The following ABCC1 variants were observed in gnomAD, a reference collection of about 807,000 sequenced individuals.
ABCC1 encodes ATP binding cassette subfamily C member 1 (ABCC1 blood group), also known as multidrug resistance-associated protein 1.
ABCC1 carries 83 observed loss-of-function variants against 172.9 expected under a neutral mutation model. The observed-to-expected ratio is 0.48, with a 90% confidence interval of 0.40 to 0.58. ABCC1 has a LOEUF of 0.58. Among genes scored for constraint, ABCC1 ranks in the 20% least tolerant of loss-of-function variants. The pLI, the probability that ABCC1 is intolerant of heterozygous loss-of-function variation, is 0.00. For missense variants in ABCC1, 1,817 were observed against 2,002.7 expected, an observed-to-expected ratio of 0.91 and a Z score of 1.77; for synonymous variants, 937 against 825.2, an observed-to-expected ratio of 1.14 and a Z score of -2.32.
At chr16:15,999,639 GA>G (rs202099325) in intron 1 of ABCC1, among the ~76,000 whole-genome samples, 2 of 148,834 alleles carry the variant, frequency 1.3e-5, no homozygotes, top group South Asian at 4.3e-4. Context: ...AATAGAAAAA[GA>G]AAAATAAAAG....
chr16:16,046,439 A>C (rs1159684243), intron 9 of ABCC1, among the ~76,000 whole-genome samples: 1 of 151,740 alleles, frequency 6.6e-6, no homozygotes, highest in African/African-American at 2.4e-5. Context: ...CTGCCTCCTG[A>C]GTTCAAGCGA....
In ABCC1 at chr16:16,007,857, C is replaced by G. The variant is rs1440249186; in HGVS notation, c.90C>G (p.Thr30=). ...VTWNTSNPDF[T]KCFQNTVLVW... The stretch of plus-strand genomic sequence containing the variant: ...GGAATACCAGCAACCCCGACTTCAC[C>G]AAGTGCTTTCAGAACACGGTCCTCG... The change falls in exon 2 of 31, where the codon ACC becomes ACG. Residue 30 remains threonine (T), a synonymous_variant. Coordinates refer to ENST00000399410, the MANE Select transcript of ABCC1 (RefSeq NM_004996.4). 1.9e-6 allele frequency: 3 copies of G among 1,613,408 alleles called. No homozygotes were observed. Among genetic ancestry groups the G allele is most frequent in the Non-Finnish European group, 2.5e-6 (3 of 1,179,762 alleles).
At chr16:16,095,259 T>A (rs973502238) in intron 19 of ABCC1, 4 of 152,202 alleles carry the variant, frequency 2.6e-5, no homozygotes, top group Admixed American at 1.3e-4. Context: ...TTAAGGGATT[T>A]AAAAAAATGG....
intron 13 of ABCC1, among the ~76,000 whole-genome samples, chr16:16,071,232 G>A (rs1208792225): frequency 4.0e-5 from 6 of 151,090 alleles, no homozygotes; most frequent in African/African-American, 7.3e-5. Context: ...TTGCAGGTGC[G>A]TGCCACCATG....
chr16:16,090,629 G>GCA, intron 19 of ABCC1, 41 bp downstream of exon 19: 1 of 1,515,392 alleles, frequency 6.6e-7, no homozygotes, highest in East Asian at 2.3e-5. Flanking sequence ...AGGGTGTCTG[G>GCA]CACCTTGAAG....
At chr16:15,978,799 A>G (rs1356463689) in intron 1 of ABCC1, among the ~76,000 whole-genome samples, 1 of 152,124 alleles carries the variant, frequency 6.6e-6, no homozygotes, top group Non-Finnish European at 1.5e-5. Context: ...ATTGATGTCT[A>G]GAGACATTTT....
chr16:16,008,070 A>G, intron 2 of ABCC1, 78 bp downstream of exon 2: 1 of 1,390,760 alleles, frequency 7.2e-7, no homozygotes, highest in Middle Eastern at 1.9e-4. Flanking sequence ...GATAACTGAC[A>G]TTTCTCTTCT....
intron 1 of ABCC1, among the ~76,000 whole-genome samples, chr16:15,999,168 T>C (rs1259737082): frequency 6.6e-6 from 1 of 151,936 alleles, no homozygotes; most frequent in East Asian, 2.0e-4. Flanking sequence ...ACCTGGCTAA[T>C]TTGTTTTTTA....
At chr16:15,988,115 G>A (rs1043064741) in intron 1 of ABCC1, among the ~76,000 whole-genome samples, 3 of 151,968 alleles carry the variant, frequency 2.0e-5, no homozygotes, top group East Asian at 1.9e-4. Flanking sequence ...GCACTACCAC[G>A]CTATGTTGGC....
intron 26 of ABCC1, among the ~76,000 whole-genome samples, chr16:16,126,648 G>A (rs1460134560): frequency 6.6e-6 from 1 of 152,186 alleles, no homozygotes; most frequent in Non-Finnish European, 1.5e-5. Flanking sequence ...GCCTCCCAAA[G>A]TGCTGGGATT....
chr16:16,048,453 C>A, intron 10 of ABCC1, 150 bp downstream of exon 10: 1 of 949,720 alleles, frequency 1.1e-6, no homozygotes, highest in South Asian at 1.7e-5. Flanking sequence ...AGCCTGTTAA[C>A]CAATTCCTCA....
chr16:16,134,230 G>A lies in ABCC1; in HGVS notation c.3967-120G>A, dbSNP rs546947965. ...TGGGCAGCGCGCAAGGGAGAGGGCT[G>A]TCGAGTTGGGTTGACCAGATGACTG... On this transcript the variant is annotated intron_variant, in intron 27 of 30. Coordinates refer to ENST00000399410, the MANE Select transcript of ABCC1 (RefSeq NM_004996.4). 97 of 1,281,006 alleles carry A rather than the reference G, an allele frequency of 7.6e-5. No individual in the cohort carries two copies. The African/African-American group carries it at 1.3e-3, about 17-fold the overall frequency. The allele number at this position is 1,281,006 out of a possible 1,614,324, so 79.4% of individuals were successfully genotyped here.
chr16:16,042,431 A>G (rs181930811), intron 7 of ABCC1, among the ~76,000 whole-genome samples: 1 of 152,222 alleles, frequency 6.6e-6, no homozygotes, highest in Non-Finnish European at 1.5e-5. Flanking sequence ...GGCCGGGCAC[A>G]GTGGCTCATG....
At chr16:15,967,032 T>G (rs2046258999) in intron 1 of ABCC1, among the ~76,000 whole-genome samples, 1 of 152,194 alleles carries the variant, frequency 6.6e-6, no homozygotes, top group East Asian at 1.9e-4. Context: ...CCCTGCCCCC[T>G]GAGATCCGTG....
At chr16:15,968,530 C>T (rs967856823) in intron 1 of ABCC1, among the ~76,000 whole-genome samples, 3 of 151,876 alleles carry the variant, frequency 2.0e-5, no homozygotes, top group Non-Finnish European at 2.9e-5. Context: ...GCATGCACCA[C>T]TATGTCTAGC....
rs987857280 is a variant in ABCC1 at position 16,036,352 on chromosome 16, C to T, written c.678-120C>T. 1.4e-5 allele frequency: 12 copies of T among 874,930 alleles called. No individual in the cohort carries two copies. In the East Asian group the frequency reaches 1.7e-4, roughly 12 times the overall value. 54.2% of individuals were successfully genotyped at this position (874,930 alleles called of 1,614,324 possible). On this transcript the variant is annotated intron_variant, in intron 6 of 30. Coordinates refer to ENST00000399410, the MANE Select transcript of ABCC1 (RefSeq NM_004996.4). ...GCTGCATGGCTGCCTTCATTTGCAG[C>T]GGGCAGCTGTGCTGCAGAGGGGAGC... is the stretch of plus-strand genomic sequence containing the variant.
chr16:16,112,793 C>T (rs1326551254), intron 22 of ABCC1, among the ~76,000 whole-genome samples: 2 of 152,210 alleles, frequency 1.3e-5, no homozygotes, highest in African/African-American at 4.8e-5. Flanking sequence ...TTGAGTACTT[C>T]TGTATGCCAG....
In ABCC1 at chr16:16,104,125, C is replaced by T. The variant is rs747010329; in HGVS notation, c.2735+1408C>T. Among the ~76,000 whole-genome samples the T allele has an allele frequency of 2.0e-5, 3 of 151,996 alleles. No individual in the cohort carries two copies. In the South Asian group the frequency reaches 6.3e-4, roughly 32 times the overall value. On this transcript the variant is annotated intron_variant, in intron 20 of 30. Transcript: ENST00000399410. ...CTGTAGACCTTGATGGTGAGTGTTA[C>T]AGCTCACAAAGGCAATGTGGACCCA... is the stretch of plus-strand genomic sequence containing the variant.
At chr16:16,077,525 A>T (rs904836213) in intron 15 of ABCC1, among the ~76,000 whole-genome samples, 4 of 151,734 alleles carry the variant, frequency 2.6e-5, no homozygotes, top group Non-Finnish European at 2.9e-5. Context: ...CTGTAAGAAT[A>T]TTTCAGTCTC....
Sources: gnomAD v4.1 joint callset for allele counts (sites outside exome capture counted in the v4.1 genomes callset) on GRCh38, gnomAD v4.1.1 for gene constraint, MANE v1.5 for transcripts, NCBI Gene and HGNC (gene_info 2026-07-23, HGNC 2026-07-21) for gene names.